HIPK2: variants seen among roughly 807,000 people sequenced by gnomAD.
The protein encoded by HIPK2 is homeodomain interacting protein kinase 2.
HIPK2 carries 27 observed loss-of-function variants against 113.7 expected under a neutral mutation model. The observed-to-expected ratio is 0.24, with a 90% CI of 0.17 to 0.33. The LOEUF is 0.33. Ranked by LOEUF, HIPK2 falls within the 10% of genes least tolerant of loss-of-function variation. HIPK2 has a pLI of 1.00. For missense variants in HIPK2, 1,257 were observed against 1,588.0 expected, an observed-to-expected ratio of 0.79 and a Z score of 3.54; for synonymous variants, 631 against 642.2, an observed-to-expected ratio of 0.98 and a Z score of 0.26.
At chr7:139,736,725 C>T (rs945730070) in intron 1 of HIPK2, among the ~76,000 whole-genome samples, 2 of 152,230 alleles carry the variant, frequency 1.3e-5, no homozygotes, top group African/African-American at 4.8e-5. Flanking sequence ...TCCTACAAAA[C>T]ACAGCAACCC....
At chr7:139,639,680 G>A (rs1460674954) in intron 2 of HIPK2, among the ~76,000 whole-genome samples, 3 of 152,192 alleles carry the variant, frequency 2.0e-5, no homozygotes, top group South Asian at 2.1e-4. Flanking sequence ...ACAGAGCAGC[G>A]CAAGTCCCCC....
intron 2 of HIPK2, among the ~76,000 whole-genome samples, chr7:139,699,572 CCTG>C (rs2116838654): frequency 6.6e-6 from 1 of 152,194 alleles, no homozygotes; most frequent in Admixed American, 6.5e-5. Context: ...TCAGGTACAC[CCTG>C]CTATCAGGAG....
At chr7:139,642,840 C>T (rs1470703622) in intron 2 of HIPK2, among the ~76,000 whole-genome samples, 2 of 152,220 alleles carry the variant, frequency 1.3e-5, no homozygotes, top group African/African-American at 2.4e-5. Context: ...CCAAGCCAAA[C>T]ACCGTGGACC....
At chr7:139,603,649 C>T (rs1799516781) in intron 10 of HIPK2, among the ~76,000 whole-genome samples, 1 of 152,148 alleles carries the variant, frequency 6.6e-6, no homozygotes, top group Admixed American at 6.5e-5. Flanking sequence ...TCCAGAGTAC[C>T]CCCGTCTCAA....
chr7:139,773,224 T>C (rs558230347), intron 1 of HIPK2, among the ~76,000 whole-genome samples: 16 of 152,282 alleles, frequency 1.1e-4, no homozygotes, highest in African/African-American at 3.6e-4. Flanking sequence ...ACAAAGTCAA[T>C]ATGGCCTAAG....
chr7:139,580,092 CCTG>C (rs1305623993), intron 13 of HIPK2, among the ~76,000 whole-genome samples: 2 of 152,160 alleles, frequency 1.3e-5, no homozygotes, highest in Admixed American at 6.5e-5. Flanking sequence ...CTCTGCAGAG[CCTG>C]CTTCTTGCCT....
At chr7:139,612,456 A>G (rs1275487018) in intron 9 of HIPK2, among the ~76,000 whole-genome samples, 2 of 152,128 alleles carry the variant, frequency 1.3e-5, no homozygotes, top group Admixed American at 1.3e-4. Context: ...TCTGTTACCT[A>G]ATTGTTGTGT....
At chr7:139,666,317 T>C (rs1450725970) in intron 2 of HIPK2, among the ~76,000 whole-genome samples, 2 of 152,206 alleles carry the variant, frequency 1.3e-5, no homozygotes, top group Non-Finnish European at 2.9e-5. Flanking sequence ...CTTCTGAGAC[T>C]TGAGGAGCAG....
chr7:139,767,001 G>T (rs1482692237), intron 1 of HIPK2, among the ~76,000 whole-genome samples: 2 of 152,206 alleles, frequency 1.3e-5, no homozygotes, highest in African/African-American at 2.4e-5. Flanking sequence ...ATCTGCATGT[G>T]CCTATGGCTT....
At chr7:139,673,882 TACTAAAA>T in intron 2 of HIPK2, among the ~76,000 whole-genome samples, 1 of 70,318 alleles carries the variant, frequency 1.4e-5, no homozygotes, top group African/African-American at 5.5e-5. Flanking sequence ...ACCCTATCTG[TACTAAAA>T]AAAAAAAAAA....
intron 2 of HIPK2, among the ~76,000 whole-genome samples, chr7:139,668,771 A>G (rs139138327): frequency 1.3e-5 from 2 of 152,354 alleles, no homozygotes; most frequent in East Asian, 3.9e-4. Context: ...CTGACTGGTT[A>G]CAGTTGCACA....
chr7:139,669,360 T>A (rs2116618955), intron 2 of HIPK2, among the ~76,000 whole-genome samples: 1 of 152,322 alleles, frequency 6.6e-6, no homozygotes, highest in South Asian at 2.1e-4. Context: ...GATAATTGTA[T>A]TGTGACTGTA....
intron 2 of HIPK2, among the ~76,000 whole-genome samples, chr7:139,708,593 C>T (rs1794976600): frequency 6.6e-6 from 1 of 152,212 alleles, no homozygotes; most frequent in Admixed American, 6.5e-5. Flanking sequence ...ATGTATTTGG[C>T]AGCTCTGTGG....
chr7:139,686,907 G>A (rs1569474410), intron 2 of HIPK2, among the ~76,000 whole-genome samples: 1 of 152,174 alleles, frequency 6.6e-6, no homozygotes, highest in South Asian at 2.1e-4. Flanking sequence ...GAAGGGAAGA[G>A]TCAAGTGATG....
intron 2 of HIPK2, among the ~76,000 whole-genome samples, chr7:139,696,113 A>G (rs1179912585): frequency 6.6e-6 from 1 of 152,210 alleles, no homozygotes; most frequent in African/African-American, 2.4e-5. Context: ...CCAGAAAGCC[A>G]TTGATAACGT....
At chr7:139,735,373 T>G (rs1317655225) in intron 1 of HIPK2, among the ~76,000 whole-genome samples, 1 of 152,234 alleles carries the variant, frequency 6.6e-6, no homozygotes, top group Admixed American at 6.5e-5. Context: ...TTCAGATTGA[T>G]CCATCAGCCT....
At chr7:139,723,194 C>CTT (rs71170911) in intron 1 of HIPK2, among the ~76,000 whole-genome samples, 2 of 133,094 alleles carry the variant, frequency 1.5e-5, no homozygotes, top group Non-Finnish European at 3.2e-5. Context: ...TTTCTTTCTT[C>CTT]TTTTTTTTTT....
chr7:139,610,251 T>G (rs1799767507), intron 9 of HIPK2, among the ~76,000 whole-genome samples: 1 of 152,236 alleles, frequency 6.6e-6, no homozygotes. Context: ...GGCTCCTGGC[T>G]TACTAGGGTT....
chr7:139,761,339 C>T (rs1796460922), intron 1 of HIPK2, among the ~76,000 whole-genome samples: 1 of 152,230 alleles, frequency 6.6e-6, no homozygotes, highest in African/African-American at 2.4e-5. Flanking sequence ...CCACACAAGT[C>T]ACTTGCTGGT....
Sources: allele counts gnomAD v4.1 joint callset (sites outside exome capture counted in the v4.1 genomes callset), GRCh38; gene constraint gnomAD v4.1.1; transcripts MANE v1.5; gene names NCBI Gene and HGNC (gene_info 2026-07-23, HGNC 2026-07-21).